The following VRTN variants were observed in gnomAD, a reference collection of about 807,000 sequenced individuals.
VRTN encodes the protein vertnin.
Under a neutral mutation model 18.2 loss-of-function variants are expected in VRTN, and 5 were observed. That is an observed-to-expected ratio of 0.27 (90% CI 0.14 to 0.58). VRTN has a LOEUF of 0.58. Among genes scored for constraint, VRTN ranks in the 20% least tolerant of loss-of-function variants. The pLI is 0.91. For synonymous variants in VRTN, 381 were observed against 393.7 expected (o/e 0.97, Z 0.38); for missense variants, 741 against 939.4 (o/e 0.79, Z 2.76).
intron 1 of VRTN, among the ~76,000 whole-genome samples, chr14:74,307,403 T>C (rs1026389463): frequency 6.6e-6 from 1 of 152,130 alleles, no homozygotes; most frequent in Non-Finnish European, 1.5e-5. Flanking sequence ...GTGCTGAGAT[T>C]ACAGGCGTGA....
intron 1 of VRTN, among the ~76,000 whole-genome samples, chr14:74,330,529 C>A (rs1357687733): frequency 2.0e-5 from 3 of 150,888 alleles, no homozygotes; most frequent in South Asian, 4.2e-4. Flanking sequence ...GCAACCTCTG[C>A]CTCCCAGGTT....
intron 2 of VRTN, among the ~76,000 whole-genome samples, chr14:74,339,778 A>C (rs8013094): frequency 0.67 from 101,967 of 152,068 alleles, 36,539 homozygotes; most frequent in East Asian, 0.93. Flanking sequence ...TGCACCACTG[A>C]ATTCCAGCTT....
At chr14:74,340,385 T>G in intron 2 of VRTN, among the ~76,000 whole-genome samples, 1 of 152,114 alleles carries the variant, frequency 6.6e-6, no homozygotes, top group East Asian at 1.9e-4. Context: ...GTGCTGGGAT[T>G]ACAGGCGTGA....
At chr14:74,343,830 T>A (rs926351493), upstream of VRTN, among the ~76,000 whole-genome samples, 2 of 151,852 alleles carry the variant, frequency 1.3e-5, no homozygotes, top group African/African-American at 4.8e-5. Context: ...GGAGTCTCAC[T>A]CTGTCACCAG....
rs2140194106 is a variant in VRTN, at chr14:74,315,916, C to T, written c.-164+12740C>T. Among the ~76,000 whole-genome samples, 3 of 152,316 alleles carry T rather than the reference C, an allele frequency of 2.0e-5. No homozygotes were observed. The South Asian group carries it at 6.2e-4, about 32-fold the overall frequency. Reference sequence around the variant, plus strand: ...TGGACATGGCCCATCTCAGTTGCTTCCTGTTGGGCCACAGTGGCCCTCCTT... The same window carrying T: ...TGGACATGGCCCATCTCAGTTGCTTTCTGTTGGGCCACAGTGGCCCTCCTT... On this transcript the variant is annotated intron_variant, in intron 1 of 2. Transcript: ENST00000557177.
At chr14:74,352,582 C>T (rs1286499995) in intron 1 of VRTN, among the ~76,000 whole-genome samples, 2 of 152,020 alleles carry the variant, frequency 1.3e-5, no homozygotes, top group African/African-American at 2.4e-5. Context: ...GGGACAGTCT[C>T]CTCTGTTGCT....
intron 1 of VRTN, among the ~76,000 whole-genome samples, chr14:74,318,967 G>A (rs930227494): frequency 2.6e-5 from 4 of 151,902 alleles, no homozygotes; most frequent in Admixed American, 1.3e-4. Context: ...GACCTGCCTC[G>A]GCCTCCCAAA....
At chr14:74,316,982 A>G (rs997257349) in intron 1 of VRTN, among the ~76,000 whole-genome samples, 1 of 152,142 alleles carries the variant, frequency 6.6e-6, no homozygotes, top group African/African-American at 2.4e-5. Context: ...AGAAGCCAGC[A>G]TGGCCAGAGT....
intron 1 of VRTN, among the ~76,000 whole-genome samples, chr14:74,317,973 G>C (rs966993329): frequency 1.3e-5 from 2 of 151,980 alleles, no homozygotes; most frequent in Non-Finnish European, 2.9e-5. Context: ...TTTTAAATTA[G>C]TTGAGCATGG....
upstream of VRTN, among the ~76,000 whole-genome samples, chr14:74,344,733 T>TAAAAAAAAAAAAAAAAAAAAAA (rs60479764): frequency 3.7e-5 from 2 of 54,044 alleles, 1 homozygote; most frequent in Non-Finnish European, 5.8e-5. Flanking sequence ...AGACTCTGAC[T>TAAAAAAAAAAAAAAAAAAAAAA]AAAAAAAAAA....
chr14:74,351,281 A>AAT (rs2085681707), intron 1 of VRTN, among the ~76,000 whole-genome samples: 1 of 152,188 alleles, frequency 6.6e-6, no homozygotes, highest in Non-Finnish European at 1.5e-5. Flanking sequence ...GATATGGATT[A>AAT]TCTCCTGAAT....
intron 1 of VRTN, among the ~76,000 whole-genome samples, chr14:74,350,504 C>T (rs2140211228): frequency 6.6e-6 from 1 of 152,118 alleles, no homozygotes; most frequent in Middle Eastern, 3.4e-3. Flanking sequence ...GTCGACTCTA[C>T]CTTTGTGGAC....
chr14:74,326,196 G>A (rs1211229097), intron 1 of VRTN, among the ~76,000 whole-genome samples: 5 of 152,110 alleles, frequency 3.3e-5, no homozygotes, highest in African/African-American at 4.8e-5. Context: ...GCTTGAATAT[G>A]GTGCTTTGGA....
Position 74,359,340 on chromosome 14 carries a change from T to A in VRTN, c.*448T>A, listed in dbSNP as rs148617908. 11 of 170,022 alleles carry A rather than the reference T, an allele frequency of 6.5e-5. No homozygotes were observed. The East Asian group carries it at 2.1e-3, about 32-fold the overall frequency. 10.5% of individuals were successfully genotyped at this position (170,022 alleles called of 1,614,324 possible). On this transcript the variant is annotated 3_prime_UTR_variant, in exon 2 of 2. Coordinates refer to ENST00000256362, the MANE Select transcript of VRTN (RefSeq NM_018228.3). The stretch of plus-strand genomic sequence containing the variant: ...GCAGAACGTTATCTTCAGTTTCTTT[T>A]GGGGGTTGGCATCCTCTTTACTCAG...
chr14:74,336,653 T>C (rs892419786), intron 1 of VRTN, among the ~76,000 whole-genome samples: 16 of 152,112 alleles, frequency 1.1e-4, no homozygotes, highest in Admixed American at 9.8e-4. Context: ...GTGGGTAATA[T>C]AATTGAACTA....
chr14:74,309,108 C>T (rs1404291338), intron 1 of VRTN, among the ~76,000 whole-genome samples: 1 of 152,152 alleles, frequency 6.6e-6, no homozygotes, highest in African/African-American at 2.4e-5. Flanking sequence ...ATTCTTCCTT[C>T]CATCCCCGCT....
At position 74,331,151 on chromosome 14, in the gene VRTN, G is replaced by A. The variant is rs569750600; in HGVS notation, c.-163-6572G>A. Among the ~76,000 whole-genome samples, 6 of 151,098 alleles carry A rather than the reference G, an allele frequency of 4.0e-5. No homozygotes were observed. In the South Asian group the frequency reaches 6.3e-4, roughly 16 times the overall value. The stretch of plus-strand genomic sequence containing the variant: ...CGGGAGGCGGAGCTTGCAGTGAGCC[G>A]AGATCGCGCCACTGCACTCCAGACT... On this transcript the variant is annotated intron_variant, in intron 1 of 2. Transcript: ENST00000557177.
intron 1 of VRTN, among the ~76,000 whole-genome samples, chr14:74,312,366 A>G (rs2085393690): frequency 1.3e-5 from 2 of 152,206 alleles, no homozygotes. Context: ...GTTGATTGCA[A>G]TCTGTAGGAA....
chr14:74,316,366 A>G (rs1189132747), intron 1 of VRTN, among the ~76,000 whole-genome samples: 1 of 151,862 alleles, frequency 6.6e-6, no homozygotes, highest in East Asian at 2.0e-4. Context: ...AAATATAAAA[A>G]TTAGCCAGGT....
Sources: allele counts gnomAD v4.1 joint callset (sites outside exome capture counted in the v4.1 genomes callset), GRCh38; gene constraint gnomAD v4.1.1; transcripts MANE v1.5; gene names NCBI Gene and HGNC (gene_info 2026-07-23, HGNC 2026-07-21).